Variants in CDC5L observed in about 807,000 individuals in gnomAD.
The protein encoded by CDC5L is cell division cycle 5-like protein.
A neutral mutation model predicts 104.1 loss-of-function variants in CDC5L; 18 were observed. That is an observed-to-expected ratio of 0.17 (90% CI 0.12 to 0.26). The LOEUF is 0.26. Ranked by LOEUF, CDC5L falls within the 10% of genes least tolerant of loss-of-function variation. The pLI is 1.00. For synonymous variants in CDC5L, 331 were observed against 322.7 expected (o/e 1.03, Z -0.28); for missense variants, 673 against 956.9 (o/e 0.70, Z 3.91).
chr6:44,412,590 T>C (rs1320021820), intron 8 of CDC5L, among the ~76,000 whole-genome samples: 2 of 115,200 alleles, frequency 1.7e-5, no homozygotes, highest in Non-Finnish European at 4.0e-5. Flanking sequence ...ACACTTGAAA[T>C]TAAAAAAAAT....
chr6:44,396,587 G>T, intron 5 of CDC5L, 147 bp downstream of exon 5: 2 of 573,498 alleles, frequency 3.5e-6, no homozygotes, highest in Non-Finnish European at 6.3e-6. Flanking sequence ...TGGATAGCTG[G>T]GTGTCCTCTA....
intron 5 of CDC5L, among the ~76,000 whole-genome samples, chr6:44,401,629 AT>A (rs1472840649): frequency 2.6e-5 from 4 of 150,966 alleles, no homozygotes; most frequent in Non-Finnish European, 5.9e-5. Flanking sequence ...AAATATATAT[AT>A]TTTTCTCTTT....
intron 5 of CDC5L, among the ~76,000 whole-genome samples, chr6:44,399,619 C>T (rs1443794129): frequency 6.6e-6 from 1 of 152,054 alleles, no homozygotes; most frequent in Non-Finnish European, 1.5e-5. Flanking sequence ...TACTGTTGAG[C>T]CTCTCTAGTG....
chr6:44,408,420 A>G, intron 7 of CDC5L, 24 bp from the exon 8 acceptor site: 5 of 1,578,118 alleles, frequency 3.2e-6, no homozygotes, highest in Non-Finnish European at 3.5e-6. Flanking sequence ...AATGTTGCTT[A>G]CTATGATAAT....
intron 8 of CDC5L, among the ~76,000 whole-genome samples, chr6:44,412,826 A>G (rs1221063076): frequency 8.8e-6 from 1 of 113,864 alleles, no homozygotes; most frequent in Non-Finnish European, 1.7e-5. Context: ...TCTGTCGCCC[A>G]GGCTGGAGTG....
chr6:44,438,857 T>C (rs1793056034), intron 14 of CDC5L, among the ~76,000 whole-genome samples: 1 of 152,098 alleles, frequency 6.6e-6, no homozygotes. Flanking sequence ...ATTTTTATAA[T>C]ATCCTTACTG....
intron 8 of CDC5L, among the ~76,000 whole-genome samples, chr6:44,412,053 A>C (rs1032833939): frequency 6.6e-6 from 1 of 152,206 alleles, no homozygotes; most frequent in Non-Finnish European, 1.5e-5. Context: ...TGTTAATAAC[A>C]GGGGGCAATA....
intron 8 of CDC5L, among the ~76,000 whole-genome samples, chr6:44,410,434 A>G (rs1052124307): frequency 3.9e-5 from 6 of 152,210 alleles, no homozygotes; most frequent in African/African-American, 1.4e-4. Flanking sequence ...TTTATGTATC[A>G]CATATTTTTA....
At chr6:44,433,917 T>G (rs888422834) in intron 14 of CDC5L, among the ~76,000 whole-genome samples, 9 of 152,160 alleles carry the variant, frequency 5.9e-5, no homozygotes, top group African/African-American at 2.2e-4. Context: ...GGCAAGGATT[T>G]AGTTAGTAGA....
chr6:44,446,694 T>G lies in CDC5L; in HGVS notation c.2392T>G (p.Leu798Val). The G allele has an allele frequency of 2.6e-6, 4 of 1,556,384 alleles. No individual in the cohort carries two copies. Among genetic ancestry groups the G allele is most frequent in the Non-Finnish European group, 3.5e-6 (4 of 1,139,504 alleles). The stretch of plus-strand genomic sequence containing the variant: ...TGATTTGCTGCTGGAGAAAGAGACT[T>G]TAAAGTCAAAATTCTGAAGTACAGT... ...YADLLLEKET[L>V]KSKF The change falls in exon 16 of 16, where the codon TTA (leucine) becomes GTA (valine). Residue 798 changes from leucine (L) to valine (V), a missense_variant. Physicochemically the swap from Leu to Val is conservative, Grantham distance 32 (BLOSUM62 1). Around this residue, in one of 4 missense-constraint regions of CDC5L, gnomAD observed 578 missense variants for 737.0 expected, o/e 0.78. Transcript: ENST00000371477.
At chr6:44,428,370 A>G (rs369043372) in intron 13 of CDC5L, among the ~76,000 whole-genome samples, 1 of 151,694 alleles carries the variant, frequency 6.6e-6, no homozygotes, top group East Asian at 1.9e-4. Context: ...TGATGTGTTT[A>G]TTTTCATTAT....
intron 14 of CDC5L, 131 bp downstream of exon 14, chr6:44,430,041 C>G (rs1026363227): frequency 1.5e-6 from 1 of 660,614 alleles, no homozygotes; most frequent in South Asian, 2.1e-5. Context: ...TTGGAGAAAA[C>G]TACACTTAAG....
intron 8 of CDC5L, among the ~76,000 whole-genome samples, chr6:44,408,893 T>C (rs74552792): frequency 0.016 from 2,375 of 152,262 alleles, 38 homozygotes; most frequent in Non-Finnish European, 0.027. Flanking sequence ...TTTGTACCTG[T>C]CAGTAAAGCA....
chr6:44,418,655 C>A (rs1792011499), intron 8 of CDC5L, among the ~76,000 whole-genome samples: 2 of 151,380 alleles, frequency 1.3e-5, no homozygotes, highest in South Asian at 2.1e-4. Flanking sequence ...CTCTCCAGCA[C>A]CTGTTTCCTG....
Position 44,387,800 on chromosome 6 carries a change from T to C in CDC5L, c.-24T>C. On this transcript the variant is annotated 5_prime_UTR_variant, in exon 1 of 16. Coordinates refer to ENST00000371477, the MANE Select transcript of CDC5L (RefSeq NM_001253.4). ...CTTCTCTGAAGCTCCTCTCGGCTGC[T>C]TGCCGAGACACCCTGCCGCCAAGAT... 1.3e-6 allele frequency: 2 copies of C among 1,554,028 alleles called. No individual in the cohort carries two copies. The highest frequency in any genetic ancestry group is 1.7e-6 in the Non-Finnish European group (2 of 1,147,520).
chr6:44,402,369 G>A (rs1444466871), intron 5 of CDC5L, among the ~76,000 whole-genome samples: 2 of 152,102 alleles, frequency 1.3e-5, no homozygotes, highest in African/African-American at 2.4e-5. Flanking sequence ...GTTTCTTACC[G>A]AGTTAAAGTA....
intron 11 of CDC5L, among the ~76,000 whole-genome samples, chr6:44,425,332 C>T (rs1032997534): frequency 2.0e-5 from 3 of 152,042 alleles, no homozygotes; most frequent in Non-Finnish European, 4.4e-5. Context: ...CTGAAAAAAT[C>T]AGAAATCCAA....
At chr6:44,387,942 G>GGC (rs1341045329) in intron 1 of CDC5L, 74 bp downstream of exon 1, 4 of 1,448,730 alleles carry the variant, frequency 2.8e-6, no homozygotes, top group Admixed American at 4.1e-5. Flanking sequence ...GCGGAGGTCG[G>GGC]GGGGGCGACG....
At position 44,396,457 on chromosome 6, in the gene CDC5L, G is replaced by T. The variant is rs1790872208; in HGVS notation, c.539+17G>T. 3 of 1,484,798 alleles carry T rather than the reference G, an allele frequency of 2.0e-6. No individual in the cohort carries two copies. The highest frequency in any genetic ancestry group is 2.4e-5 in the South Asian group (2 of 84,816). The allele number at this position is 1,484,798 out of a possible 1,614,324, so 92.0% of individuals were successfully genotyped here. ...AGAAGCAAGGTATGTGTGGATATAGGAATAAAAAGCAAAGTGTTTTTCTCA... is the reference window on the plus strand; with the variant it reads ...AGAAGCAAGGTATGTGTGGATATAGTAATAAAAAGCAAAGTGTTTTTCTCA... On this transcript the variant is annotated intron_variant, in intron 5 of 15. Transcript: ENST00000371477.
Sources: gnomAD v4.1 joint callset for allele counts (sites outside exome capture counted in the v4.1 genomes callset) on GRCh38, gnomAD v4.1.1 for gene constraint, gnomAD v4.1.1 regional missense constraint, MANE v1.5 for transcripts, NCBI Gene and HGNC (gene_info 2026-07-23, HGNC 2026-07-21) for gene names.